Variants in CHCHD6 observed in about 807,000 individuals in gnomAD.
CHCHD6 encodes coiled-coil-helix-coiled-coil-helix domain containing 6.
A neutral mutation model predicts 32.3 loss-of-function variants in CHCHD6; 28 were observed. The ratio of observed to expected loss-of-function variants is 0.87; its 90% confidence interval spans 0.64 to 1.19. The LOEUF (loss-of-function observed/expected upper bound fraction) is 1.19. Among genes scored for constraint, CHCHD6 ranks in the 50% most tolerant of loss-of-function variants. CHCHD6 has a pLI of 0.00. For missense variants in CHCHD6, 333 were observed against 307.0 expected (o/e 1.08, Z -0.63); for synonymous variants, 122 against 117.5 (o/e 1.04, Z -0.25).
At chr3:126,711,874 C>G (rs1432589042) in intron 1 of CHCHD6, among the ~76,000 whole-genome samples, 3 of 152,202 alleles carry the variant, frequency 2.0e-5, no homozygotes, top group Non-Finnish European at 4.4e-5. Flanking sequence ...GATTTCAAGT[C>G]CAACAAATGG....
At chr3:126,739,344 T>TTTGTTG (rs60465053) in intron 4 of CHCHD6, among the ~76,000 whole-genome samples, 31,026 of 151,934 alleles carry the variant, frequency 0.2, 3,404 homozygotes, top group South Asian at 0.35. Flanking sequence ...CCACATATTC[T>TTTGTTG]TTGTTGTTGT....
intron 5 of CHCHD6, among the ~76,000 whole-genome samples, chr3:126,881,133 C>A (rs763515099): frequency 6.6e-6 from 1 of 152,274 alleles, no homozygotes; most frequent in African/African-American, 2.4e-5. Context: ...GGCTGCCAAG[C>A]CCGCATATGG....
chr3:126,705,575 T>C (rs1475242248), intron 1 of CHCHD6, among the ~76,000 whole-genome samples: 1 of 152,206 alleles, frequency 6.6e-6, no homozygotes, highest in Admixed American at 6.5e-5. Flanking sequence ...GGCATGTTGC[T>C]GTGCTCGGCC....
intron 6 of CHCHD6, among the ~76,000 whole-genome samples, chr3:126,950,834 A>G (rs1028133162): frequency 1.3e-5 from 2 of 152,226 alleles, no homozygotes; most frequent in Non-Finnish European, 2.9e-5. Context: ...GAAGCTTGTC[A>G]TGGGTGGATG....
chr3:126,771,361 C>T (rs761004217), intron 4 of CHCHD6, among the ~76,000 whole-genome samples: 14 of 151,928 alleles, frequency 9.2e-5, no homozygotes, highest in East Asian at 7.7e-4. Context: ...TGTACCACCA[C>T]GCCCGGCTAA....
intron 4 of CHCHD6, among the ~76,000 whole-genome samples, chr3:126,805,061 C>T (rs145719653): frequency 1.1e-4 from 16 of 152,064 alleles, no homozygotes; most frequent in East Asian, 7.7e-4. Flanking sequence ...CAAAATAATA[C>T]GAGATATTTA....
intron 4 of CHCHD6, among the ~76,000 whole-genome samples, chr3:126,768,097 A>G (rs1020452034): frequency 3.3e-5 from 5 of 152,154 alleles, no homozygotes; most frequent in Non-Finnish European, 7.4e-5. Context: ...CCCAAATCTC[A>G]TGTCGAATTG....
intron 6 of CHCHD6, chr3:126,953,246 C>A: frequency 2.0e-6 from 1 of 507,794 alleles, no homozygotes; most frequent in Non-Finnish European, 2.5e-6. Context: ...CCTCAGACAT[C>A]TGCCAGCTCC....
chr3:126,706,894 G>A (rs1405245521), intron 1 of CHCHD6, among the ~76,000 whole-genome samples: 1 of 152,132 alleles, frequency 6.6e-6, no homozygotes, highest in Non-Finnish European at 1.5e-5. Flanking sequence ...CTTCTTTAGA[G>A]CAAGTTGAAT....
At chr3:126,887,649 T>C (rs9810445) in intron 5 of CHCHD6, among the ~76,000 whole-genome samples, 64,784 of 151,958 alleles carry the variant, frequency 0.43, 15,128 homozygotes, top group African/African-American at 0.63. Context: ...CCCATCGGCC[T>C]TCTGTTCTGG....
intron 4 of CHCHD6, among the ~76,000 whole-genome samples, chr3:126,826,436 G>A (rs916017830): frequency 6.6e-6 from 1 of 152,190 alleles, no homozygotes; most frequent in Non-Finnish European, 1.5e-5. Context: ...CAAGTATTCA[G>A]TAAGTAGAGA....
At chr3:126,798,590 A>G (rs1938910206) in intron 4 of CHCHD6, among the ~76,000 whole-genome samples, 1 of 121,380 alleles carries the variant, frequency 8.2e-6, no homozygotes, top group African/African-American at 3.3e-5. Flanking sequence ...TTCTGTTACT[A>G]GCAGGGTGCC....
intron 4 of CHCHD6, among the ~76,000 whole-genome samples, chr3:126,844,272 A>AT (rs1484045337): frequency 6.6e-6 from 1 of 152,016 alleles, no homozygotes; most frequent in Non-Finnish European, 1.5e-5. Context: ...ATCCTTGTTG[A>AT]TTTTTTTGTC....
chr3:126,946,619 C>T (rs1213783369), intron 6 of CHCHD6, among the ~76,000 whole-genome samples: 18 of 152,054 alleles, frequency 1.2e-4, no homozygotes, highest in Admixed American at 1.2e-3. Context: ...TGATCGATGG[C>T]AGGACCTCTG....
intron 6 of CHCHD6, among the ~76,000 whole-genome samples, chr3:126,944,492 C>G (rs2078606329): frequency 6.6e-6 from 1 of 152,262 alleles, no homozygotes; most frequent in African/African-American, 2.4e-5. Flanking sequence ...GCACTCCTGT[C>G]TAGTGGGGAG....
chr3:126,867,473 G>A (rs944131683), intron 5 of CHCHD6, among the ~76,000 whole-genome samples: 1 of 152,206 alleles, frequency 6.6e-6, no homozygotes, highest in African/African-American at 2.4e-5. Flanking sequence ...TGTCCATCAT[G>A]TGCATGGGTT....
intron 3 of CHCHD6, among the ~76,000 whole-genome samples, chr3:126,731,766 A>G (rs375657962): frequency 1.1e-3 from 164 of 152,158 alleles, no homozygotes; most frequent in East Asian, 4.3e-3. Context: ...ACTCTCCCTA[A>G]TCGGTCTTAG....
At chr3:126,705,669 T>G (rs1291939718) in intron 1 of CHCHD6, among the ~76,000 whole-genome samples, 1 of 152,140 alleles carries the variant, frequency 6.6e-6, no homozygotes. Flanking sequence ...GGGACTAGGA[T>G]TAAATGAAAC....
At chr3:126,843,213 G>A (rs1941170419) in intron 4 of CHCHD6, among the ~76,000 whole-genome samples, 1 of 152,022 alleles carries the variant, frequency 6.6e-6, no homozygotes, top group African/African-American at 2.4e-5. Flanking sequence ...TTTTAATGTG[G>A]TGAAGTACGT....
Sources: gnomAD v4.1 joint callset for allele counts (sites outside exome capture counted in the v4.1 genomes callset) on GRCh38, gnomAD v4.1.1 for gene constraint, MANE v1.5 for transcripts, NCBI Gene and HGNC (gene_info 2026-07-23, HGNC 2026-07-21) for gene names.